The following IMMP2L variants were observed in gnomAD, a reference collection of about 807,000 sequenced individuals.
The protein encoded by IMMP2L is inner mitochondrial membrane peptidase subunit 2.
Under a neutral mutation model 19.3 loss-of-function variants are expected in IMMP2L, and 18 were observed. The observed-to-expected ratio is 0.93, with a 90% CI of 0.64 to 1.38. The LOEUF (loss-of-function observed/expected upper bound fraction) is 1.38. IMMP2L is among the 40% of genes most tolerant of loss of function. The pLI is 0.00. For synonymous variants in IMMP2L, 76 were observed against 73.0 expected (o/e 1.04, Z -0.21); for missense variants, 233 against 218.2 (o/e 1.07, Z -0.43).
At chr7:110,897,947 G>A (rs1811488215) in intron 4 of IMMP2L, among the ~76,000 whole-genome samples, 1 of 151,872 alleles carries the variant, frequency 6.6e-6, no homozygotes, top group African/African-American at 2.4e-5. Flanking sequence ...AGATACACAA[G>A]GGGTTGTTGA....
intron 3 of IMMP2L, among the ~76,000 whole-genome samples, chr7:111,433,376 A>G (rs906524397): frequency 4.0e-5 from 6 of 151,840 alleles, no homozygotes; most frequent in African/African-American, 1.2e-4. Context: ...AAGCCTCACA[A>G]TCATGGTGGA....
chr7:111,151,755 A>C (rs1000123667), intron 3 of IMMP2L, among the ~76,000 whole-genome samples: 11 of 152,138 alleles, frequency 7.2e-5, no homozygotes, highest in African/African-American at 2.7e-4. Context: ...CCTGGCAAAC[A>C]TGGTGAAACC....
At chr7:111,074,628 GAC>G (rs1295755965) in intron 3 of IMMP2L, among the ~76,000 whole-genome samples, 1 of 152,154 alleles carries the variant, frequency 6.6e-6, no homozygotes. Context: ...CATCTACACA[GAC>G]ACAGCTGGAA....
At chr7:110,862,225 ATATTT>A (rs1193738139) in intron 5 of IMMP2L, among the ~76,000 whole-genome samples, 2 of 151,560 alleles carry the variant, frequency 1.3e-5, no homozygotes, top group Non-Finnish European at 2.9e-5. Flanking sequence ...TTTTTTTAAT[ATATTT>A]TATTTATTTT....
intron 3 of IMMP2L, among the ~76,000 whole-genome samples, chr7:111,081,773 C>G (rs1037346202): frequency 6.6e-6 from 1 of 152,108 alleles, no homozygotes; most frequent in African/African-American, 2.4e-5. Context: ...GTAGAGGTGG[C>G]AACCTCTGAC....
intron 5 of IMMP2L, among the ~76,000 whole-genome samples, chr7:110,806,509 T>C (rs1051376400): frequency 6.6e-6 from 1 of 152,020 alleles, no homozygotes; most frequent in Non-Finnish European, 1.5e-5. Context: ...TTCCCTATTA[T>C]CTTGCACTTT....
chr7:111,558,022 T>A (rs1002019132), intron 1 of IMMP2L, among the ~76,000 whole-genome samples: 1 of 151,228 alleles, frequency 6.6e-6, no homozygotes, highest in Non-Finnish European at 1.5e-5. Flanking sequence ...AATAGAAAAA[T>A]ATGGTTATTC....
chr7:110,738,995 C>G (rs1796822418), intron 5 of IMMP2L, among the ~76,000 whole-genome samples: 1 of 152,122 alleles, frequency 6.6e-6, no homozygotes, highest in South Asian at 2.1e-4. Flanking sequence ...ATAGTCTTTT[C>G]CAGACAAATA....
intron 3 of IMMP2L, among the ~76,000 whole-genome samples, chr7:111,174,810 T>C (rs1806856887): frequency 6.6e-6 from 1 of 151,674 alleles, no homozygotes; most frequent in Admixed American, 6.6e-5. Context: ...CAGTAAATGG[T>C]CGAAGAAAAA....
intron 3 of IMMP2L, among the ~76,000 whole-genome samples, chr7:111,144,168 C>T (rs1468048326): frequency 6.6e-6 from 1 of 152,092 alleles, no homozygotes; most frequent in Non-Finnish European, 1.5e-5. Context: ...CTATGTCTCC[C>T]CAGTATTTGA....
chr7:111,325,785 C>A (rs1240347607), intron 3 of IMMP2L, among the ~76,000 whole-genome samples: 1 of 151,638 alleles, frequency 6.6e-6, no homozygotes, highest in African/African-American at 2.4e-5. Context: ...TCCCTTGACC[C>A]CTTTTCCATA....
intron 5 of IMMP2L, among the ~76,000 whole-genome samples, chr7:110,872,100 A>G (rs979267190): frequency 2.0e-5 from 3 of 152,090 alleles, no homozygotes; most frequent in African/African-American, 7.2e-5. Context: ...TTTTAGTTGC[A>G]CTGAATTTGA....
intron 3 of IMMP2L, among the ~76,000 whole-genome samples, chr7:111,169,250 G>A (rs77849820): frequency 0.052 from 7,927 of 151,848 alleles, 378 homozygotes; most frequent in African/African-American, 0.12. Flanking sequence ...GCAGTCATTA[G>A]TTACCTCTTG....
chr7:111,258,546 G>A (rs922793760), intron 3 of IMMP2L, among the ~76,000 whole-genome samples: 1 of 151,190 alleles, frequency 6.6e-6, no homozygotes, highest in South Asian at 2.1e-4. Flanking sequence ...TTGCTCTGTC[G>A]CCCAGGCTGG....
At chr7:111,261,433 T>A (rs1262026116) in intron 3 of IMMP2L, among the ~76,000 whole-genome samples, 1 of 152,128 alleles carries the variant, frequency 6.6e-6, no homozygotes, top group Non-Finnish European at 1.5e-5. Context: ...AAATATTTTT[T>A]AAAAAGCTAT....
intron 5 of IMMP2L, among the ~76,000 whole-genome samples, chr7:110,775,043 A>AGCTTT (rs1799286640): frequency 6.6e-6 from 1 of 152,056 alleles, no homozygotes; most frequent in Non-Finnish European, 1.5e-5. Context: ...GATATAGGAA[A>AGCTTT]ATACTTGTAG....
intron 3 of IMMP2L, among the ~76,000 whole-genome samples, chr7:110,981,280 A>G (rs28477631): frequency 6.6e-6 from 1 of 152,214 alleles, no homozygotes; most frequent in South Asian, 2.1e-4. Context: ...AAAGAAAAAA[A>G]GAAAATTATT....
chr7:111,230,294 TCTTCA>T (rs1376054445), intron 3 of IMMP2L, among the ~76,000 whole-genome samples: 2 of 152,022 alleles, frequency 1.3e-5, no homozygotes, highest in African/African-American at 4.8e-5. Flanking sequence ...ATAATTCATT[TCTTCA>T]CTTCACAAGT....
chr7:110,795,441 A>C (rs748386999), intron 5 of IMMP2L, among the ~76,000 whole-genome samples: 1 of 152,114 alleles, frequency 6.6e-6, no homozygotes, highest in Non-Finnish European at 1.5e-5. Flanking sequence ...TTTCTTTCCT[A>C]TATCAGTAAT....
Sources: gnomAD v4.1 joint callset for allele counts (sites outside exome capture counted in the v4.1 genomes callset) on GRCh38, gnomAD v4.1.1 for gene constraint, MANE v1.5 for transcripts, NCBI Gene and HGNC (gene_info 2026-07-23, HGNC 2026-07-21) for gene names.